The following KCNQ1OT1 variants were observed in gnomAD, a reference collection of about 807,000 sequenced individuals.
The protein encoded by KCNQ1OT1 is KCNQ1 antisense RNA 2 (non-protein coding).
exon 1 of KCNQ1OT1, chr11:2,630,995 C>T (rs191141051): frequency 2.5e-6 from 1 of 398,364 alleles, no homozygotes; most frequent in Non-Finnish European, 4.4e-6. Context: ...ATTTATCTTG[C>T]CGCTTTCAAA....
exon 1 of KCNQ1OT1, chr11:2,699,676 G>A (rs1187017440): frequency 2.0e-5 from 7 of 354,802 alleles, no homozygotes; most frequent in South Asian, 1.3e-4. Context: ...GGAGAACCGC[G>A]CCGAAAAGCC....
chr11:2,687,978 C>T lies in KCNQ1OT1; in HGVS notation n.12017G>A, dbSNP rs1850520106. On this transcript the variant is annotated non_coding_transcript_exon_variant, in exon 1 of 1. Transcript: ENST00000597346. The surrounding 1 kb of genome is among the most constrained non-coding windows in gnomAD (Gnocchi z 5.0). ...AGCCAGGCCGCTGCTTCCTGCTTCC[C>T]TTTGATGTCTCCTCGTGCGAGGGAG... is the stretch of plus-strand genomic sequence containing the variant. 2 of 398,678 alleles carry T rather than the reference C, an allele frequency of 5.0e-6. No individual in the cohort carries two copies. The highest frequency in any genetic ancestry group is 4.4e-5 in the Admixed American group (1 of 22,720). The allele number at this position is 398,678 out of a possible 1,614,324, so 24.7% of individuals were successfully genotyped here.
exon 1 of KCNQ1OT1, chr11:2,632,182 CAAAAAA>C (rs34998500): frequency 2.0e-4 from 62 of 312,118 alleles, no homozygotes; most frequent in South Asian, 4.0e-4. Flanking sequence ...GACTCTGCCT[CAAAAAA>C]AAAAAAAAAA....
exon 1 of KCNQ1OT1, chr11:2,649,190 G>A (rs534983949): frequency 2.0e-5 from 8 of 397,690 alleles, no homozygotes; most frequent in Non-Finnish European, 3.1e-5. Context: ...TTTCATTTGG[G>A]AAATTTAAAT....
At chr11:2,656,143 A>G (rs1849844153) in exon 1 of KCNQ1OT1, 3 of 398,664 alleles carry the variant, frequency 7.5e-6, no homozygotes, top group East Asian at 3.6e-5. Context: ...TTCCTTCTAC[A>G]TACAAGTGAT....
exon 1 of KCNQ1OT1, chr11:2,648,985 T>TTC: frequency 6.3e-6 from 1 of 158,366 alleles, no homozygotes; most frequent in East Asian, 1.6e-4. Flanking sequence ...CTTTTTCTTT[T>TTC]TTTTTTTTTT....
Position 2,654,752 on chromosome 11 carries a change from C to G in KCNQ1OT1, n.45243G>C, listed in dbSNP as rs1001610394. The G allele has an allele frequency of 2.5e-6, 1 of 398,410 alleles. No individual in the cohort carries two copies. Among genetic ancestry groups the G allele is most frequent in the Non-Finnish European group, 4.4e-6 (1 of 226,194 alleles). 24.7% of individuals were successfully genotyped at this position (398,410 alleles called of 1,614,324 possible). A position where few individuals can be genotyped will look rare whatever the true frequency, so the allele number is the denominator to read the frequency against. On this transcript the variant is annotated non_coding_transcript_exon_variant, in exon 1 of 1. Coordinates refer to ENST00000597346, the Ensembl canonical transcript of KCNQ1OT1. This position sits in a 1 kb window ranked among gnomAD's most constrained non-coding sequence, Gnocchi z 6.4. The stretch of plus-strand genomic sequence containing the variant: ...TCTGGGCAGGGAGGGGTCTGGGGCT[C>G]GATGAGAAGGCAGAGGAAGTGAGAC...
chr11:2,657,753 G>A lies in KCNQ1OT1; in HGVS notation n.42242C>T. 1 of 398,556 alleles carries A rather than the reference G, an allele frequency of 2.5e-6. No individual in the cohort carries two copies. 24.7% of individuals were successfully genotyped at this position (398,556 alleles called of 1,614,324 possible). ...TCTCTGATCGGTGACGGGCTTCTCA[G>A]TCTTGTTCTTCATTAACTTGACACT... On this transcript the variant is annotated non_coding_transcript_exon_variant, in exon 1 of 1. Transcript: ENST00000597346. This position sits in a 1 kb window ranked among gnomAD's most constrained non-coding sequence, Gnocchi z 4.8.
exon 1 of KCNQ1OT1, chr11:2,662,298 T>C (rs1471381578): frequency 3.3e-6 from 2 of 606,804 alleles, no homozygotes; most frequent in Non-Finnish European, 5.8e-6. Context: ...TCCTCTTGTT[T>C]TGACTTATGG....
exon 1 of KCNQ1OT1, chr11:2,615,846 C>T (rs1040390843): frequency 5.0e-6 from 2 of 397,826 alleles, no homozygotes; most frequent in African/African-American, 4.1e-5. Context: ...GTATATTTGT[C>T]TGGCTTTGGA....
At chr11:2,662,056 C>G (rs1849968066) in exon 1 of KCNQ1OT1, 1 of 1,614,102 alleles carries the variant, frequency 6.2e-7, no homozygotes, top group Non-Finnish European at 8.5e-7. Flanking sequence ...GGAGACTCTG[C>G]TGACACCCAT....
At position 2,664,263 on chromosome 11, in the gene KCNQ1OT1, C is replaced by T. The variant is rs1350966181; in HGVS notation, n.35732G>A. The T allele has an allele frequency of 5.0e-6, 2 of 398,958 alleles. No individual in the cohort carries two copies. The highest frequency in any genetic ancestry group is 4.4e-5 in the Admixed American group (1 of 22,710). The allele number at this position is 398,958 out of a possible 1,614,324, so 24.7% of individuals were successfully genotyped here. A position where few individuals can be genotyped will look rare whatever the true frequency, so the allele number is the denominator to read the frequency against. On this transcript the variant is annotated non_coding_transcript_exon_variant, in exon 1 of 1. Coordinates refer to ENST00000597346, the Ensembl canonical transcript of KCNQ1OT1. This position sits in a 1 kb window ranked among gnomAD's most constrained non-coding sequence, Gnocchi z 5.1. ...AAGAGGGGACTGGGAGAGGGAAAAACAAGGAGGTTGCTGCAAAGGGGCCAC... is the reference window on the plus strand; with the variant it reads ...AAGAGGGGACTGGGAGAGGGAAAAATAAGGAGGTTGCTGCAAAGGGGCCAC...
chr11:2,632,242 GCTA>G, exon 1 of KCNQ1OT1: 1 of 396,164 alleles, frequency 2.5e-6, no homozygotes, highest in Non-Finnish European at 4.4e-6. Flanking sequence ...TTACTATCCT[GCTA>G]CTTTGCTGAA....
At chr11:2,610,353 C>T in exon 1 of KCNQ1OT1, 1 of 398,064 alleles carries the variant, frequency 2.5e-6, no homozygotes, top group Middle Eastern at 6.3e-4. Context: ...AATGATCATA[C>T]TATATAATGA....
chr11:2,629,935 C>T (rs975916131), exon 1 of KCNQ1OT1: 4 of 398,302 alleles, frequency 1.0e-5, no homozygotes, highest in Non-Finnish European at 1.3e-5. Flanking sequence ...CCCAATTCCT[C>T]TGGCTAGGAC....
chr11:2,622,676 T>C (rs1849194262), exon 1 of KCNQ1OT1: 1 of 398,536 alleles, frequency 2.5e-6, no homozygotes, highest in South Asian at 1.3e-4. Flanking sequence ...ACCATTATGA[T>C]TCTCTATTCG....
exon 1 of KCNQ1OT1, chr11:2,697,049 A>G (rs765033724): frequency 2.0e-5 from 8 of 398,434 alleles, no homozygotes; most frequent in Middle Eastern, 6.2e-4. Flanking sequence ...CTTTCAGGAA[A>G]GGTCAAAAAC....
exon 1 of KCNQ1OT1, chr11:2,662,122 A>C (rs200696588): frequency 3.8e-5 from 62 of 1,613,248 alleles, no homozygotes; most frequent in Admixed American, 1.3e-4. Flanking sequence ...GCTGGAGGGG[A>C]CTGGAGCTCA....
Position 2,651,267 on chromosome 11 carries a change from CTT to C in KCNQ1OT1, n.48726_48727del, listed in dbSNP as rs1459733941. 3 of 398,538 alleles carry C rather than the reference CTT, an allele frequency of 7.5e-6. No homozygotes were observed. Among genetic ancestry groups the C allele is most frequent in the Admixed American group, 4.4e-5 (1 of 22,726 alleles). The allele number at this position is 398,538 out of a possible 1,614,324, so 24.7% of individuals were successfully genotyped here. A position where few individuals can be genotyped will look rare whatever the true frequency, so the allele number is the denominator to read the frequency against. ...TTCAGGAATTAAGCTGTGCTGGTCACTTATTGAGAAAGAGCTTCATGGTGGGC... is the reference window on the plus strand; with the variant it reads ...TTCAGGAATTAAGCTGTGCTGGTCACATTGAGAAAGAGCTTCATGGTGGGC... On this transcript the variant is annotated non_coding_transcript_exon_variant, in exon 1 of 1. Coordinates refer to ENST00000597346, the Ensembl canonical transcript of KCNQ1OT1. The surrounding 1 kb of genome is among the most constrained non-coding windows in gnomAD (Gnocchi z 6.1).
Sources: allele counts gnomAD v4.1 joint callset, GRCh38; gene constraint gnomAD v4.1.1; non-coding constraint Gnocchi (gnomAD v3.1); transcripts MANE v1.5; gene names NCBI Gene and HGNC (gene_info 2026-07-23, HGNC 2026-07-21).